The following HCFC1 variants were observed in gnomAD, a reference collection of about 807,000 sequenced individuals.
The protein encoded by HCFC1 is host cell factor 1.
Under a neutral mutation model 105.5 loss-of-function variants are expected in HCFC1, and 7 were observed. The ratio of observed to expected loss-of-function variants is 0.07; its 90% CI spans 0.04 to 0.12. The LOEUF (loss-of-function observed/expected upper bound fraction) is 0.12, where lower values mean the gene tolerates loss of function less well. HCFC1 is among the 10% of genes least tolerant of loss of function. The pLI is 1.00. For missense variants in HCFC1, 1,065 were observed against 1,823.6 expected, an observed-to-expected ratio of 0.58 and a Z score of 7.58; for synonymous variants, 918 against 828.1, an observed-to-expected ratio of 1.11 and a Z score of -1.86.
rs1313498603 is a variant in HCFC1 at position 153,956,374 on chromosome X, G to A, written c.2673C>T (p.Ser891=). 2 of 1,210,872 alleles carry A rather than the reference G, an allele frequency of 1.7e-6. No individual in the cohort carries two copies. The highest frequency in any genetic ancestry group is 3.5e-5 in the African/African-American group (2 of 57,530). The part of the protein sequence containing the change: ...TTLGTVTGTV[S]TSLAGAGGHS... Reference sequence around the variant, plus strand: ...GGCCCCCCGCCCCGGCAAGGCTGGTGGAGACGGTGCCTGTCACTGTGCCTA... The same window carrying A: ...GGCCCCCCGCCCCGGCAAGGCTGGTAGAGACGGTGCCTGTCACTGTGCCTA... Residue 891 remains serine, a synonymous_variant, in exon 16 of 26, where the codon TCC becomes TCT. Coordinates refer to ENST00000310441, the MANE Select transcript of HCFC1 (RefSeq NM_005334.3).
Position 153,954,247 on chromosome X carries a change from G to A in HCFC1, c.4152C>T (p.His1384=), listed in dbSNP as rs2065346304. 8.3e-7 allele frequency: 1 copy of A among 1,204,481 alleles called. No homozygotes were observed. The highest frequency in any genetic ancestry group is 1.7e-5 in the African/African-American group (1 of 57,236). ...CCTCTAGGCCAGACTCCACGGTCCT[G>A]TGGGAAGAAGTGGCGTCGGGAAGCA... ...GALLPDATSS[H]RTVESGLEVA... The change falls in exon 17 of 26, where the codon CAC becomes CAT. Residue 1384 remains histidine, a synonymous_variant. Coordinates refer to ENST00000310441, the MANE Select transcript of HCFC1 (RefSeq NM_005334.3).
In HCFC1 at chrX:153,954,789, G is replaced by A. The variant is rs782017860; in HGVS notation, c.3610C>T (p.Arg1204Cys). The A allele has an allele frequency of 1.5e-5, 17 of 1,164,358 alleles. No individual in the cohort carries two copies. The highest frequency in any genetic ancestry group is 1.3e-4 in the Admixed American group (5 of 38,772). The change falls in exon 17 of 26, where the codon CGC (arginine) becomes TGC (cysteine). Residue 1204 changes from arginine (R) to cysteine (C), a missense_variant. Transcript: ENST00000310441. ...GPSMAREPGG[R>C]SPAFVQLAPL... is the part of the protein sequence containing the mutation. ...GCCAACTGCACAAAAGCAGGGCTGC[G>A]GCCCCCGGGCTCCCGTGCCATGCTC...
chrX:153,965,610 G>A (rs1268653152), intron 1 of HCFC1, among the ~76,000 whole-genome samples: 2 of 112,244 alleles, frequency 1.8e-5, no homozygotes, highest in African/African-American at 6.5e-5. Context: ...GTGCAACCCC[G>A]ACTCTGTGCC....
chrX:153,951,086 G>T, intron 22 of HCFC1, 88 bp from the exon 23 acceptor site: 1 of 925,369 alleles, frequency 1.1e-6, no homozygotes, highest in Non-Finnish European at 1.5e-6. Context: ...GGTAACTATG[G>T]GCCAGAGGGA....
rs782685603 is a variant in HCFC1, at chrX:153,951,502, C to T, written c.5380-15G>A. 1.3e-5 allele frequency: 16 copies of T among 1,209,290 alleles called. No individual in the cohort carries two copies. Among genetic ancestry groups the T allele is most frequent in the East Asian group, 5.9e-5 (2 of 33,771 alleles). On this transcript the variant is annotated splice_polypyrimidine_tract_variant and intron_variant, in intron 21 of 25. Transcript: ENST00000310441. ...AGGTCTGGCTTCTGCAAGACAGAATCGGTGCGACGAGATCAGGCCCTCAGC... is the reference window on the plus strand; with the variant it reads ...AGGTCTGGCTTCTGCAAGACAGAATTGGTGCGACGAGATCAGGCCCTCAGC...
intron 22 of HCFC1, 111 bp from the exon 23 acceptor site, chrX:153,951,109 G>A (rs1329946348): frequency 2.1e-5 from 17 of 801,593 alleles, no homozygotes; most frequent in Middle Eastern, 4.1e-4. Context: ...AGAGGTCAGC[G>A]GTGGCTGGCC....
chrX:153,953,258 C>T (rs1332049004), intron 18 of HCFC1, among the ~76,000 whole-genome samples: 5 of 111,787 alleles, frequency 4.5e-5, no homozygotes, highest in Non-Finnish European at 7.5e-5. Flanking sequence ...GTTCTCTGAC[C>T]AGCATGAGGA....
Position 153,957,032 on chromosome X carries a change from G to T in HCFC1, c.2382C>A (p.Ser794=), listed in dbSNP as rs1051151. ...CCTTGGTGGTGATGATGGTGATGGG[G>T]GACTTGATGCCAGGACTGCTGGTCA... ...TGVTSSPGIK[S]PITIITTKVM... The change falls in exon 14 of 26, where the codon TCC becomes TCA. Residue 794 remains serine, a synonymous_variant. Coordinates refer to ENST00000310441, the MANE Select transcript of HCFC1 (RefSeq NM_005334.3). 6.0e-3 allele frequency: 7,200 copies of T among 1,207,977 alleles called. 292 individuals carry two copies. The African/African-American group carries it at 0.11, about 19-fold the overall frequency.
rs2065364437 is a variant in HCFC1, at chrX:153,955,298, A to G, written c.3101T>C (p.Val1034Ala). 8.3e-7 allele frequency: 1 copy of G among 1,200,513 alleles called. No individual in the cohort carries two copies. The highest frequency in any genetic ancestry group is 2.3e-4 in the Middle Eastern group (1 of 4,300). Residue 1034 changes from valine (V) to alanine (A), a missense_variant, in exon 17 of 26, where the codon GTG becomes GCG. Physicochemically the swap from Val to Ala is moderately conservative, Grantham distance 64. Coordinates refer to ENST00000310441, the MANE Select transcript of HCFC1 (RefSeq NM_005334.3). ...CTGGGGGTGTCCCCCAAGGTTAGCC[A>G]CAACAGTAGTGGTGGCCGTGTTGGT... is the stretch of plus-strand genomic sequence containing the variant. ...GTTNTATTTVVANLGGHPQPT... is the reference protein window; with the variant it reads ...GTTNTATTTVAANLGGHPQPT...
rs1331735670 is a variant in HCFC1 at position 153,947,983 on chromosome X, G to A, written c.*1364C>T. ...CGGAGCCTGGCCTGAGTTCCATGCTGCACAGCTGCTGCTGGTGGCCTGCTC... is the reference window on the plus strand; with the variant it reads ...CGGAGCCTGGCCTGAGTTCCATGCTACACAGCTGCTGCTGGTGGCCTGCTC... On this transcript the variant is annotated 3_prime_UTR_variant, in exon 26 of 26. Transcript: ENST00000310441. 2 of 111,998 alleles carry A rather than the reference G, an allele frequency of 1.8e-5. No individual in the cohort carries two copies. Among genetic ancestry groups the A allele is most frequent in the Non-Finnish European group, 3.8e-5 (2 of 53,132 alleles). 9.2% of individuals were successfully genotyped at this position (111,998 alleles called of 1,213,427 possible). A position where few individuals can be genotyped will look rare whatever the true frequency, so the allele number is the denominator to read the frequency against.
In HCFC1 at chrX:153,957,904, G is replaced by A; in HGVS notation, c.2029-18C>T. On this transcript the variant is annotated intron_variant, in intron 11 of 25. Coordinates refer to ENST00000310441, the MANE Select transcript of HCFC1 (RefSeq NM_005334.3). ...TTGGAAATCTAAAAAGGAAGGGATG[G>A]AGCAAGGAGTGATCTGGAAACCAAA... 8.5e-7 allele frequency: 1 copy of A among 1,173,658 alleles called. No homozygotes were observed. The highest frequency in any genetic ancestry group is 1.2e-6 in the Non-Finnish European group (1 of 860,647).
At position 153,957,851 on chromosome X, in the gene HCFC1, C is replaced by T. The variant is rs371746821; in HGVS notation, c.2064G>A (p.Gln688=). The change falls in exon 12 of 26, where the codon CAG becomes CAA. Residue 688 remains glutamine (Q), a synonymous_variant. Coordinates refer to ENST00000310441, the MANE Select transcript of HCFC1 (RefSeq NM_005334.3). ...SNLGKVMSVV[Q]TKPVQTSAVT... ...CTGCTGAAGTCTGAACTGGTTTGGTCTGGACCACCGACATCACTTTGCCCA... is the reference window on the plus strand; with the variant it reads ...CTGCTGAAGTCTGAACTGGTTTGGTTTGGACCACCGACATCACTTTGCCCA... The T allele has an allele frequency of 5.0e-6, 6 of 1,208,825 alleles. No individual in the cohort carries two copies. The South Asian group carries it at 5.3e-5, about 11-fold the overall frequency.
In HCFC1 at chrX:153,954,841, C is replaced by T. The variant is rs782676033; in HGVS notation, c.3558G>A (p.Pro1186=). The stretch of plus-strand genomic sequence containing the variant: ...GCCCAAGGAGTGGGCCGGCCGAGCA[C>T]GGGGCCCCGGTGGCCATCACAGTCA... ...TTMTVMATGA[P]CSAGPLLGPS... The change falls in exon 17 of 26, where the codon CCG becomes CCA. Residue 1186 remains proline (P), a synonymous_variant. Transcript: ENST00000310441. The T allele has an allele frequency of 5.2e-6, 6 of 1,150,229 alleles. No individual in the cohort carries two copies. The East Asian group carries it at 9.7e-5, about 19-fold the overall frequency. 94.8% of individuals were successfully genotyped at this position (1,150,229 alleles called of 1,213,427 possible).
rs782045987 is a variant in HCFC1, at chrX:153,954,439, C to T, written c.3960G>A (p.Pro1320=). ...TGCCCGTCTCGTGGGTCTCGCATGG[C>T]GGGTTGGAGCACACCCTCTGGGCGC... The part of the protein sequence containing the change: ...AGSAQRVCSN[P]PCETHETGTT... Residue 1320 remains proline, a synonymous_variant, in exon 17 of 26, where the codon CCG becomes CCA. Coordinates refer to ENST00000310441, the MANE Select transcript of HCFC1 (RefSeq NM_005334.3). 2.1e-5 allele frequency: 25 copies of T among 1,206,870 alleles called. No homozygotes were observed. The African/African-American group carries it at 2.1e-4, about 10-fold the overall frequency.
chrX:153,952,426 G>A, intron 19 of HCFC1, 88 bp downstream of exon 19: 1 of 1,010,179 alleles, frequency 9.9e-7, no homozygotes, highest in Non-Finnish European at 1.3e-6. Context: ...CCACCCTCGA[G>A]GGAAATGGGC....
chrX:153,953,541 T>G, intron 18 of HCFC1, 66 bp downstream of exon 18: 1 of 1,075,616 alleles, frequency 9.3e-7, no homozygotes, highest in East Asian at 3.0e-5. Flanking sequence ...ATCTGGCGTC[T>G]GAGTGTGGAA....
intron 1 of HCFC1, among the ~76,000 whole-genome samples, chrX:153,968,820 A>G (rs1014610507): frequency 1.8e-5 from 2 of 112,568 alleles, no homozygotes; most frequent in African/African-American, 6.5e-5. Context: ...AAGTCGGTCC[A>G]CAGAGTGGAG....
chrX:153,960,725 G>C (rs1448552400), intron 6 of HCFC1, among the ~76,000 whole-genome samples: 1 of 112,441 alleles, frequency 8.9e-6, no homozygotes, highest in East Asian at 2.8e-4. Flanking sequence ...GGGAAAACGT[G>C]ATAGAAAGAT....
chrX:153,950,695 G>T, intron 23 of HCFC1, 118 bp downstream of exon 23: 8 of 883,334 alleles, frequency 9.1e-6, no homozygotes, highest in Non-Finnish European at 1.1e-5. Flanking sequence ...CAAGTGGAAG[G>T]ACTAAGACAA....
Sources: gnomAD v4.1 joint callset for allele counts (sites outside exome capture counted in the v4.1 genomes callset) on GRCh38, gnomAD v4.1.1 for gene constraint, MANE v1.5 for transcripts, NCBI Gene and HGNC (gene_info 2026-07-23, HGNC 2026-07-21) for gene names.